Variants in NCOA1 observed in about 807,000 individuals in gnomAD.
The protein encoded by NCOA1 is Hin-2 protein.
Under a neutral mutation model 150.9 loss-of-function variants are expected in NCOA1, and 35 were observed. The ratio of observed to expected loss-of-function variants is 0.23; its 90% CI spans 0.18 to 0.31. The LOEUF (loss-of-function observed/expected upper bound fraction) is 0.31, where lower values mean the gene tolerates loss of function less well. NCOA1 is among the 10% of genes least tolerant of loss of function. The probability of loss-of-function intolerance (pLI) is 1.00; values close to 1 mark genes in which losing one functional copy is unlikely to be tolerated. For synonymous variants in NCOA1, 590 were observed against 630.0 expected (o/e 0.94, Z 0.95); for missense variants, 1,491 against 1,749.3 (o/e 0.85, Z 2.63).
chr2:24,681,538 TG>T (rs1672173888), intron 7 of NCOA1, among the ~76,000 whole-genome samples: 1 of 152,204 alleles, frequency 6.6e-6, no homozygotes, highest in East Asian at 1.9e-4. Context: ...ATTGTAACAG[TG>T]GTAACACTTC....
intron 14 of NCOA1, among the ~76,000 whole-genome samples, chr2:24,715,490 G>T (rs937989115): frequency 6.6e-6 from 1 of 152,120 alleles, no homozygotes; most frequent in Admixed American, 6.5e-5. Context: ...TGTCCTGCAT[G>T]TAGAAAATCC....
intron 7 of NCOA1, among the ~76,000 whole-genome samples, 160 bp from the exon 8 acceptor site, chr2:24,682,791 T>C (rs558472537): frequency 9.1e-6 from 1 of 109,416 alleles, no homozygotes; most frequent in East Asian, 2.8e-4. Context: ...TGATATTTTA[T>C]TATGTTTATG....
chr2:24,623,154 G>A (rs1669251088), intron 3 of NCOA1, among the ~76,000 whole-genome samples: 1 of 152,156 alleles, frequency 6.6e-6, no homozygotes, highest in Non-Finnish European at 1.5e-5. Context: ...TAATTTGCTA[G>A]GAAGTTCACC....
At chr2:24,521,418 C>T (rs1172118094) in intron 1 of NCOA1, among the ~76,000 whole-genome samples, 2 of 152,092 alleles carry the variant, frequency 1.3e-5, no homozygotes, top group Admixed American at 6.6e-5. Context: ...CTCTGATAAC[C>T]ATCATTCTAT....
At chr2:24,677,594 T>A (rs1671976849) in intron 7 of NCOA1, among the ~76,000 whole-genome samples, 2 of 152,104 alleles carry the variant, frequency 1.3e-5, no homozygotes, top group Non-Finnish European at 2.9e-5. Flanking sequence ...CGGCTAATTT[T>A]TGTATTTTTA....
At chr2:24,563,459 A>C (rs1056418132) in intron 1 of NCOA1, among the ~76,000 whole-genome samples, 1 of 152,076 alleles carries the variant, frequency 6.6e-6, no homozygotes, top group Non-Finnish European at 1.5e-5. Flanking sequence ...TAAAAAGCTT[A>C]ACCCTGGGTG....
chr2:24,686,194 G>A (rs1394485844), intron 8 of NCOA1, among the ~76,000 whole-genome samples: 2 of 151,938 alleles, frequency 1.3e-5, no homozygotes, highest in African/African-American at 2.4e-5. Context: ...TAGAGACAGG[G>A]GTTTCACCAT....
intron 15 of NCOA1, among the ~76,000 whole-genome samples, chr2:24,727,978 AG>A (rs1662786314): frequency 1.3e-5 from 2 of 152,190 alleles, no homozygotes; most frequent in Non-Finnish European, 2.9e-5. Flanking sequence ...ATTTTTTCTC[AG>A]TTTTTGGCTG....
At chr2:24,502,269 T>C (rs1344745509) in intron 1 of NCOA1, among the ~76,000 whole-genome samples, 1 of 152,214 alleles carries the variant, frequency 6.6e-6, no homozygotes, top group East Asian at 1.9e-4. Flanking sequence ...CATCTGAATT[T>C]CAGCTTTCTA....
chr2:24,676,203 A>G (rs894277039), intron 7 of NCOA1: 1 of 154,642 alleles, frequency 6.5e-6, no homozygotes, highest in East Asian at 1.9e-4. Flanking sequence ...CTTTTGTACT[A>G]TCCGTCCCAG....
intron 1 of NCOA1, among the ~76,000 whole-genome samples, chr2:24,504,080 T>G (rs138921987): frequency 2.2e-3 from 332 of 151,740 alleles, no homozygotes; most frequent in African/African-American, 7.8e-3. Flanking sequence ...AGATTGTAAA[T>G]TATAGTAGAT....
intron 4 of NCOA1, among the ~76,000 whole-genome samples, chr2:24,645,684 T>TA (rs1368500736): frequency 2.6e-5 from 4 of 152,136 alleles, no homozygotes; most frequent in African/African-American, 9.7e-5. Flanking sequence ...GCAGTATACT[T>TA]ATCAGCTGAG....
At chr2:24,530,434 A>G (rs1664834347) in intron 1 of NCOA1, among the ~76,000 whole-genome samples, 1 of 152,174 alleles carries the variant, frequency 6.6e-6, no homozygotes, top group South Asian at 2.1e-4. Context: ...TTGCAGTAAT[A>G]TGGTTCTGGG....
At chr2:24,583,663 T>C (rs1420848346) in intron 2 of NCOA1, among the ~76,000 whole-genome samples, 1 of 152,120 alleles carries the variant, frequency 6.6e-6, no homozygotes, top group African/African-American at 2.4e-5. Flanking sequence ...AACAGATGAA[T>C]GGATAAAGAA....
intron 1 of NCOA1, among the ~76,000 whole-genome samples, chr2:24,552,681 G>T (rs1188997774): frequency 6.6e-6 from 1 of 151,688 alleles, no homozygotes; most frequent in African/African-American, 2.4e-5. Flanking sequence ...TTATATTTTT[G>T]AGCACAAAAA....
chr2:24,664,382 G>C (rs1442975852), intron 5 of NCOA1, among the ~76,000 whole-genome samples: 1 of 152,036 alleles, frequency 6.6e-6, no homozygotes, highest in Non-Finnish European at 1.5e-5. Flanking sequence ...ATATTGTTTT[G>C]TGCTATTGTT....
chr2:24,606,759 C>A (rs2148371693), intron 3 of NCOA1, among the ~76,000 whole-genome samples: 1 of 152,218 alleles, frequency 6.6e-6, no homozygotes, highest in South Asian at 2.1e-4. Context: ...CAAAGAAATA[C>A]CTAACAGCTA....
intron 8 of NCOA1, among the ~76,000 whole-genome samples, chr2:24,689,614 G>A (rs531648972): frequency 1.3e-5 from 2 of 152,204 alleles, no homozygotes; most frequent in South Asian, 4.2e-4. Flanking sequence ...GGATGGTCTC[G>A]ATCTCTGACC....
chr2:24,555,633 G>T (rs962429740), intron 1 of NCOA1, among the ~76,000 whole-genome samples: 1 of 152,096 alleles, frequency 6.6e-6, no homozygotes, highest in Admixed American at 6.6e-5. Flanking sequence ...ATTTGAAGTT[G>T]TATTGTTAGA....
Sources: gnomAD v4.1 joint callset for allele counts (sites outside exome capture counted in the v4.1 genomes callset) on GRCh38, gnomAD v4.1.1 for gene constraint, MANE v1.5 for transcripts, NCBI Gene and HGNC (gene_info 2026-07-23, HGNC 2026-07-21) for gene names.